Variants in PEX14 observed in about 807,000 individuals in gnomAD.
PEX14 encodes the protein peroxisomal membrane protein PEX14.
PEX14 carries 15 observed loss-of-function variants against 49.5 expected under a neutral mutation model. The ratio of observed to expected loss-of-function variants is 0.30; its 90% CI spans 0.20 to 0.47. The LOEUF is 0.47. Among genes scored for constraint, PEX14 ranks in the 20% least tolerant of loss-of-function variants. PEX14 has a pLI of 1.00. For synonymous variants in PEX14, 210 were observed against 212.7 expected, an observed-to-expected ratio of 0.99 and a Z score of 0.11; for missense variants, 398 against 494.8, an observed-to-expected ratio of 0.80 and a Z score of 1.86.
At position 10,495,174 on chromosome 1, in the gene PEX14, AG is replaced by A. The variant is rs1163129421; in HGVS notation, c.37-98del. The A allele has an allele frequency of 6.4e-7, 1 of 1,573,676 alleles. No homozygotes were observed. The highest frequency in any genetic ancestry group is 8.7e-7 in the Non-Finnish European group (1 of 1,149,742). On this transcript the variant is annotated intron_variant, in intron 1 of 8. Coordinates refer to ENST00000356607, the MANE Select transcript of PEX14 (RefSeq NM_004565.3). The surrounding 1 kb of genome is among the most constrained non-coding windows in gnomAD (Gnocchi z 4.2). The stretch of plus-strand genomic sequence containing the variant: ...AAAACCAGTGAGAGATGTGAGAAAG[AG>A]GTGCCAGCGTGCATCGTTTGAGAAC...
At chr1:10,546,169 TAGA>T (rs2124501433) in intron 3 of PEX14, among the ~76,000 whole-genome samples, 1 of 152,332 alleles carries the variant, frequency 6.6e-6, no homozygotes, top group Non-Finnish European at 1.5e-5. Context: ...TATGTTCTCT[TAGA>T]AGATATATTC....
intron 4 of PEX14, among the ~76,000 whole-genome samples, chr1:10,614,182 C>T (rs558893126): frequency 1.8e-4 from 27 of 152,306 alleles, no homozygotes; most frequent in Admixed American, 1.6e-3. Flanking sequence ...AGCCACACAG[C>T]GGGTAGGAGT....
intron 5 of PEX14, among the ~76,000 whole-genome samples, 157 bp from the exon 6 acceptor site, chr1:10,622,862 C>T (rs1641633493): frequency 6.6e-6 from 1 of 152,208 alleles, no homozygotes; most frequent in African/African-American, 2.4e-5. Context: ...ATCGCAGTCT[C>T]ATAACTTTTT....
intron 4 of PEX14, among the ~76,000 whole-genome samples, chr1:10,607,170 C>T (rs1487654306): frequency 1.3e-5 from 2 of 150,784 alleles, no homozygotes; most frequent in Non-Finnish European, 3.0e-5. Flanking sequence ...TTTTTTCTTT[C>T]CGCTCAGCGT....
chr1:10,621,723 T>C (rs902486991), intron 5 of PEX14, among the ~76,000 whole-genome samples: 1 of 152,160 alleles, frequency 6.6e-6, no homozygotes. Context: ...GGCTCAGTTG[T>C]GGGTAATAGC....
chr1:10,591,094 C>T lies in PEX14; in HGVS notation c.170-8144C>T, dbSNP rs541221121. 5.9e-5 allele frequency among the ~76,000 whole-genome samples: 9 copies of T among 152,260 alleles called. No individual in the cohort carries two copies. In the East Asian group the frequency reaches 7.7e-4, roughly 13 times the overall value. On this transcript the variant is annotated intron_variant, in intron 3 of 8. Transcript: ENST00000356607. ...AGGCTGTTTCAAAGAACATATGAGA[C>T]GGCGTATGGCTAGCCCTCCCATCCC...
At chr1:10,586,937 T>C (rs1640511603) in intron 3 of PEX14, among the ~76,000 whole-genome samples, 2 of 151,988 alleles carry the variant, frequency 1.3e-5, no homozygotes. Flanking sequence ...CTTTCCGTAT[T>C]ATCCCACATA....
At chr1:10,520,686 T>C (rs1638260992) in intron 2 of PEX14, among the ~76,000 whole-genome samples, 1 of 152,234 alleles carries the variant, frequency 6.6e-6, no homozygotes, top group Admixed American at 6.5e-5. Context: ...TCTGCTGTTA[T>C]CAAATCACTC....
intron 3 of PEX14, among the ~76,000 whole-genome samples, chr1:10,591,635 C>CTGTGTGTGTG (rs61635531): frequency 6.3e-4 from 88 of 139,730 alleles, no homozygotes; most frequent in South Asian, 2.2e-3. Flanking sequence ...GGTATACACA[C>CTGTGTGTGTG]TGTGTGTGTG....
chr1:10,564,441 T>C (rs905488216), intron 3 of PEX14, among the ~76,000 whole-genome samples: 2 of 152,160 alleles, frequency 1.3e-5, no homozygotes, highest in African/African-American at 4.8e-5. Context: ...TTTTTTTTTT[T>C]TTTTGAGACA....
intron 1 of PEX14, among the ~76,000 whole-genome samples, chr1:10,492,868 A>G (rs1044598677): frequency 6.6e-6 from 1 of 152,218 alleles, no homozygotes; most frequent in Admixed American, 6.5e-5. Context: ...CATCAGTCCG[A>G]TAGTCACACA....
chr1:10,559,014 T>C (rs781538430), intron 3 of PEX14, among the ~76,000 whole-genome samples: 13 of 152,224 alleles, frequency 8.5e-5, no homozygotes, highest in African/African-American at 1.4e-4. Flanking sequence ...TGTTGATTTC[T>C]GTGTTTTTAG....
chr1:10,574,509 T>G (rs80241525), intron 3 of PEX14, among the ~76,000 whole-genome samples: 5,249 of 152,318 alleles, frequency 0.034, 317 homozygotes, highest in African/African-American at 0.12. Flanking sequence ...TCATCTCAGC[T>G]TTTAAAAATT....
intron 1 of PEX14, among the ~76,000 whole-genome samples, chr1:10,478,488 TA>T (rs1641232339): frequency 6.6e-6 from 1 of 152,206 alleles, no homozygotes; most frequent in African/African-American, 2.4e-5. Context: ...TACTTTTTCA[TA>T]ATGGTATAGT....
intron 2 of PEX14, among the ~76,000 whole-genome samples, chr1:10,513,160 A>G (rs1641913844): frequency 1.3e-5 from 2 of 152,178 alleles, no homozygotes; most frequent in Admixed American, 1.3e-4. Context: ...TGTTTTCACA[A>G]TAGTTAACAA....
chr1:10,578,207 A>G (rs1640208104), intron 3 of PEX14, among the ~76,000 whole-genome samples: 1 of 152,166 alleles, frequency 6.6e-6, no homozygotes, highest in African/African-American at 2.4e-5. Flanking sequence ...GCACAGGGGA[A>G]GTGCCACAGA....
At chr1:10,515,274 G>C (rs1253377080) in intron 2 of PEX14, among the ~76,000 whole-genome samples, 3 of 151,806 alleles carry the variant, frequency 2.0e-5, no homozygotes, top group Non-Finnish European at 4.4e-5. Flanking sequence ...GAACAGGAAG[G>C]GTTGTAGACA....
chr1:10,568,328 C>T (rs201294732), intron 3 of PEX14, among the ~76,000 whole-genome samples: 41,280 of 128,942 alleles, frequency 0.32, 7,144 homozygotes, highest in Admixed American at 0.38. Context: ...ACTCTTCCCC[C>T]CCCCCCCCCC....
chr1:10,532,811 C>G (rs1010607914), intron 2 of PEX14, among the ~76,000 whole-genome samples: 3 of 152,112 alleles, frequency 2.0e-5, no homozygotes, highest in Admixed American at 6.5e-5. Flanking sequence ...CCAACAAAAG[C>G]GTGTTGTGTG....
Sources: allele counts gnomAD v4.1 joint callset (sites outside exome capture counted in the v4.1 genomes callset), GRCh38; gene constraint gnomAD v4.1.1; non-coding constraint Gnocchi (gnomAD v3.1); transcripts MANE v1.5; gene names NCBI Gene and HGNC (gene_info 2026-07-23, HGNC 2026-07-21).